The following IKBKB-DT variants were observed in gnomAD, a reference collection of about 807,000 sequenced individuals.
IKBKB-DT encodes the protein IKBKB divergent transcript.
chr8:42,245,639 C>T (rs974960015), intron 3 of IKBKB-DT, among the ~76,000 whole-genome samples: 2 of 152,130 alleles, frequency 1.3e-5, no homozygotes, highest in African/African-American at 4.8e-5. Flanking sequence ...ATTGTTTCAT[C>T]GTTCTGTAAT....
At chr8:42,239,709 G>A (rs1163068554) in intron 3 of IKBKB-DT, among the ~76,000 whole-genome samples, 11 of 142,964 alleles carry the variant, frequency 7.7e-5, no homozygotes, top group South Asian at 2.2e-4. Flanking sequence ...GCAATGGCAC[G>A]ATCTTGGCTC....
intron 3 of IKBKB-DT, among the ~76,000 whole-genome samples, chr8:42,239,290 G>T (rs1210364355): frequency 6.6e-6 from 1 of 151,876 alleles, no homozygotes; most frequent in Non-Finnish European, 1.5e-5. Context: ...CATCCTCGAA[G>T]CCCAACAGCA....
At chr8:42,244,568 G>A (rs1268334106) in intron 3 of IKBKB-DT, among the ~76,000 whole-genome samples, 1 of 152,000 alleles carries the variant, frequency 6.6e-6, no homozygotes, top group African/African-American at 2.4e-5. Flanking sequence ...TTAATTTTTA[G>A]AGATGGGATC....
intron 3 of IKBKB-DT, among the ~76,000 whole-genome samples, chr8:42,244,164 G>A (rs1807035456): frequency 6.6e-6 from 1 of 152,188 alleles, no homozygotes; most frequent in African/African-American, 2.4e-5. Context: ...CATGCTTTGA[G>A]GTCATCCACC....
At chr8:42,252,935 G>A (rs1009686696) in intron 3 of IKBKB-DT, among the ~76,000 whole-genome samples, 2 of 152,120 alleles carry the variant, frequency 1.3e-5, no homozygotes, top group Non-Finnish European at 2.9e-5. Context: ...CCCAAAACAT[G>A]TTTCTTTGCC....
chr8:42,248,751 C>A (rs976041838), intron 3 of IKBKB-DT, among the ~76,000 whole-genome samples: 4 of 151,724 alleles, frequency 2.6e-5, no homozygotes, highest in African/African-American at 9.7e-5. Context: ...TGGTGACAGG[C>A]ACCTGTAGTC....
intron 3 of IKBKB-DT, among the ~76,000 whole-genome samples, chr8:42,238,024 C>CA (rs35087510): frequency 0.044 from 1,531 of 35,180 alleles, 332 homozygotes; most frequent in Non-Finnish European, 0.084. Context: ...GGCCCTCTCT[C>CA]AAAAAAAAAA....
chr8:42,240,132 A>G (rs964079662), intron 3 of IKBKB-DT, among the ~76,000 whole-genome samples: 2 of 152,120 alleles, frequency 1.3e-5, no homozygotes, highest in Non-Finnish European at 2.9e-5. Context: ...GCCTCTAGAC[A>G]TAAGAAAATT....
At chr8:42,260,346 T>C (rs996276843) in intron 3 of IKBKB-DT, among the ~76,000 whole-genome samples, 1 of 152,006 alleles carries the variant, frequency 6.6e-6, no homozygotes, top group African/African-American at 2.4e-5. Context: ...TCAGGCCAAC[T>C]TCTGACCATA....
chr8:42,252,208 C>T (rs932146577), intron 3 of IKBKB-DT, among the ~76,000 whole-genome samples: 6 of 152,200 alleles, frequency 3.9e-5, no homozygotes, highest in African/African-American at 9.7e-5. Flanking sequence ...CCAGCTTCTT[C>T]GCACTATGCA....
chr8:42,244,730 G>A (rs75507486), intron 3 of IKBKB-DT, among the ~76,000 whole-genome samples: 5,218 of 152,172 alleles, frequency 0.034, 127 homozygotes, highest in Non-Finnish European at 0.043. Flanking sequence ...TTGGGCTGCC[G>A]CCTATAATTG....
intron 3 of IKBKB-DT, among the ~76,000 whole-genome samples, chr8:42,239,394 T>C (rs1310335794): frequency 1.3e-5 from 2 of 151,628 alleles, no homozygotes; most frequent in Non-Finnish European, 2.9e-5. Context: ...TGGCCCGACC[T>C]GCTTGGCCCC....
chr8:42,239,632 A>ATATATATATATATATATATATTTATT, intron 3 of IKBKB-DT, among the ~76,000 whole-genome samples: 2 of 86,968 alleles, frequency 2.3e-5, no homozygotes, highest in East Asian at 6.9e-4. Context: ...ATATATATAT[A>ATATATATATATATATATATATTTATT]TATTTATTTA....
rs920071687 is a variant in IKBKB-DT, at chr8:42,256,363, A to G, written n.1529+6966T>C. 7.9e-5 allele frequency among the ~76,000 whole-genome samples: 12 copies of G among 151,278 alleles called. No homozygotes were observed. The South Asian group carries it at 1.3e-3, about 16-fold the overall frequency. The stretch of plus-strand genomic sequence containing the variant: ...GATAGCCTGAGGTGAGAAGTTTGAG[A>G]CCAGCCTGGCCAACATAGTGAAACC... On this transcript the variant is annotated intron_variant and non_coding_transcript_variant, in intron 3 of 3. Transcript: ENST00000518213.
exon 2 of IKBKB-DT, among the ~76,000 whole-genome samples, chr8:42,265,941 T>C (rs1251887424): frequency 6.6e-6 from 1 of 152,122 alleles, no homozygotes; most frequent in African/African-American, 2.4e-5. Flanking sequence ...CAATTTCCTT[T>C]CCTTCCTCTT....
At chr8:42,238,024 C>CAAAAAAAAAAA (rs35087510) in intron 3 of IKBKB-DT, among the ~76,000 whole-genome samples, 1 of 35,254 alleles carries the variant, frequency 2.8e-5, no homozygotes, top group South Asian at 1.2e-3. Flanking sequence ...GGCCCTCTCT[C>CAAAAAAAAAAA]AAAAAAAAAA....
At chr8:42,251,828 C>CAAAATAAAAAAAAAAAAAAA (rs1807131454) in intron 3 of IKBKB-DT, among the ~76,000 whole-genome samples, 1 of 91,470 alleles carries the variant, frequency 1.1e-5, no homozygotes, top group African/African-American at 3.9e-5. Context: ...GACTCCATCT[C>CAAAATAAAAAAAAAAAAAAA]AAAAAAAAAA....
At chr8:42,251,055 GCCAAC>G (rs1807123358) in intron 3 of IKBKB-DT, among the ~76,000 whole-genome samples, 2 of 116,854 alleles carry the variant, frequency 1.7e-5, no homozygotes, top group African/African-American at 1.2e-4. Flanking sequence ...GACCAGCCTG[GCCAAC>G]GAGACCAGCC....
At chr8:42,270,325 C>G (rs1807549393) in intron 1 of IKBKB-DT, 1 of 152,300 alleles carries the variant, frequency 6.6e-6, no homozygotes, top group Non-Finnish European at 1.5e-5. Context: ...GAGTGAGACC[C>G]CGCCACCAGG....
Sources: allele counts gnomAD v4.1 joint callset (sites outside exome capture counted in the v4.1 genomes callset), GRCh38; gene constraint gnomAD v4.1.1; transcripts MANE v1.5; gene names NCBI Gene and HGNC (gene_info 2026-07-23, HGNC 2026-07-21).